RBFOX3: variants seen among roughly 807,000 people sequenced by gnomAD.
The protein encoded by RBFOX3 is RNA binding protein fox-1 homolog 3.
RBFOX3 carries 17 observed loss-of-function variants against 48.7 expected under a neutral mutation model. The ratio of observed to expected loss-of-function variants is 0.35; its 90% CI spans 0.24 to 0.52. The LOEUF is 0.52. Ranked by LOEUF, RBFOX3 falls within the 20% of genes least tolerant of loss-of-function variation. The probability of loss-of-function intolerance (pLI) is 0.94; values close to 1 mark genes in which losing one functional copy is unlikely to be tolerated. For synonymous variants in RBFOX3, 212 were observed against 209.5 expected, an observed-to-expected ratio of 1.01 and a Z score of -0.10; for missense variants, 382 against 497.5, an observed-to-expected ratio of 0.77 and a Z score of 2.21.
chr17:79,612,292 C>G (rs1377843031), upstream of RBFOX3, among the ~76,000 whole-genome samples: 1 of 152,228 alleles, frequency 6.6e-6, no homozygotes, highest in Non-Finnish European at 1.5e-5. Flanking sequence ...ACTTTTGCTC[C>G]TGAAGGCTGC....
chr17:79,157,025 T>G (rs1006384268), intron 4 of RBFOX3, among the ~76,000 whole-genome samples: 1 of 152,172 alleles, frequency 6.6e-6, no homozygotes, highest in Non-Finnish European at 1.5e-5. Flanking sequence ...CAGCAGCCCC[T>G]GCGCTCTCCT....
the RBFOX3 span, among the ~76,000 whole-genome samples, chr17:79,656,768 AGG>A: frequency 0.05 from 1,919 of 38,044 alleles, 27 homozygotes; most frequent in Non-Finnish European, 0.088. Flanking sequence ...GAAGGAAGGA[AGG>A]AAGGAAGGAA....
rs2078493693 is a variant in RBFOX3, at chr17:79,479,686, T to G, written c.-175+2768A>C. 6.6e-6 allele frequency among the ~76,000 whole-genome samples: 1 copy of G among 152,166 alleles called. No homozygotes were observed. The highest frequency in any genetic ancestry group is 1.5e-5 in the Non-Finnish European group (1 of 68,014). On this transcript the variant is annotated intron_variant, in intron 2 of 14. Transcript: ENST00000693108. This position sits in a 1 kb window ranked among gnomAD's most constrained non-coding sequence, Gnocchi z 5.1. ...TCGGGGGTGGGCTGGTCTTGTACTTTCACTGTTGATGACCCCGAGGATTTA... is the reference window on the plus strand; with the variant it reads ...TCGGGGGTGGGCTGGTCTTGTACTTGCACTGTTGATGACCCCGAGGATTTA...
intron 1 of RBFOX3, among the ~76,000 whole-genome samples, chr17:79,507,711 A>C (rs2149804424): frequency 6.6e-6 from 1 of 152,176 alleles, no homozygotes; most frequent in East Asian, 1.9e-4. Flanking sequence ...AGGTCTCTTC[A>C]CTGATAATGA....
At chr17:79,611,130 TTCTCTCTCTCTC>T (rs1173570495), upstream of RBFOX3, among the ~76,000 whole-genome samples, 4 of 37,816 alleles carry the variant, frequency 1.1e-4, no homozygotes, top group East Asian at 1.7e-3. Flanking sequence ...TCCGCCCTCC[TTCTCTCTCTCTC>T]TCTCTCTCTC....
the RBFOX3 span, among the ~76,000 whole-genome samples, chr17:79,645,386 T>G: frequency 0.01 from 1,591 of 152,132 alleles, 28 homozygotes; most frequent in African/African-American, 0.037. Flanking sequence ...CAAGCACACT[T>G]TGGCCACGGA....
intron 1 of RBFOX3, among the ~76,000 whole-genome samples, chr17:79,605,837 C>T (rs1238898069): frequency 6.6e-6 from 1 of 152,194 alleles, no homozygotes; most frequent in Non-Finnish European, 1.5e-5. Flanking sequence ...AGTTACAACC[C>T]ACCTCTCAGG....
At chr17:79,281,123 T>C (rs2070364959) in intron 3 of RBFOX3, among the ~76,000 whole-genome samples, 1 of 152,240 alleles carries the variant, frequency 6.6e-6, no homozygotes, top group South Asian at 2.1e-4. Context: ...GGACCAGCTA[T>C]GTGACCTTGG....
intron 1 of RBFOX3, among the ~76,000 whole-genome samples, chr17:79,586,030 C>G (rs1430344230): frequency 6.6e-6 from 1 of 152,230 alleles, no homozygotes; most frequent in East Asian, 1.9e-4. Context: ...AGGCTTGCCC[C>G]TGGTGTGGAC....
intron 4 of RBFOX3, among the ~76,000 whole-genome samples, chr17:79,168,348 G>T (rs1259339440): frequency 6.6e-6 from 1 of 152,250 alleles, no homozygotes; most frequent in African/African-American, 2.4e-5. Context: ...CATGGCACCT[G>T]CCTGAGTATG....
At chr17:79,386,844 C>T (rs368944881) in intron 2 of RBFOX3, among the ~76,000 whole-genome samples, 26 of 152,234 alleles carry the variant, frequency 1.7e-4, no homozygotes. Context: ...AGAAGGCCAT[C>T]CCTAGCAGCC....
At chr17:79,280,846 G>A (rs1035841125) in intron 3 of RBFOX3, among the ~76,000 whole-genome samples, 4 of 150,322 alleles carry the variant, frequency 2.7e-5, no homozygotes, top group East Asian at 3.9e-4. Flanking sequence ...CATTGTGGGG[G>A]GGGGGAGGGG....
At chr17:79,548,131 G>C (rs927792706) in intron 1 of RBFOX3, among the ~76,000 whole-genome samples, 16 of 152,240 alleles carry the variant, frequency 1.1e-4, no homozygotes, top group African/African-American at 3.9e-4. Flanking sequence ...ACCTCGCCCA[G>C]TGCGGCACGG....
At chr17:79,313,213 C>T (rs1320730252) in intron 2 of RBFOX3, among the ~76,000 whole-genome samples, 1 of 152,196 alleles carries the variant, frequency 6.6e-6, no homozygotes, top group Non-Finnish European at 1.5e-5. Flanking sequence ...CTTGCATACC[C>T]CACTGGGGTG....
At chr17:79,579,956 T>TGGGGAGTCACTGGGTC (rs1397431875) in intron 1 of RBFOX3, among the ~76,000 whole-genome samples, 2 of 146,732 alleles carry the variant, frequency 1.4e-5, no homozygotes, top group African/African-American at 5.1e-5. Context: ...GTCACAGGGT[T>TGGGGAGTCACTGGGTC]GGGGAGTCAC....
chr17:79,591,269 G>A (rs1254393100), intron 1 of RBFOX3, among the ~76,000 whole-genome samples: 2 of 152,186 alleles, frequency 1.3e-5, no homozygotes, highest in Admixed American at 6.5e-5. Context: ...CAAGGCTTCA[G>A]AAGTTACTGC....
intron 3 of RBFOX3, among the ~76,000 whole-genome samples, chr17:79,288,295 C>T (rs2072438948): frequency 6.6e-6 from 1 of 152,130 alleles, no homozygotes; most frequent in Non-Finnish European, 1.5e-5. Flanking sequence ...CCCCAGATAC[C>T]ACAGGCCACC....
chr17:79,312,833 G>C (rs1202203740), intron 2 of RBFOX3, among the ~76,000 whole-genome samples: 1 of 152,220 alleles, frequency 6.6e-6, no homozygotes, highest in Non-Finnish European at 1.5e-5. Flanking sequence ...GCTCTCTGTA[G>C]CTGCTGTAAT....
intron 2 of RBFOX3, among the ~76,000 whole-genome samples, chr17:79,380,884 T>C (rs1403639831): frequency 3.9e-5 from 6 of 152,112 alleles, no homozygotes; most frequent in African/African-American, 1.2e-4. Context: ...TCGGCAGACA[T>C]TGCTGCCCCA....
Sources: allele counts gnomAD v4.1 joint callset (sites outside exome capture counted in the v4.1 genomes callset), GRCh38; gene constraint gnomAD v4.1.1; non-coding constraint Gnocchi (gnomAD v3.1); transcripts MANE v1.5; gene names NCBI Gene and HGNC (gene_info 2026-07-23, HGNC 2026-07-21).